NARS1: variants seen among roughly 807,000 people sequenced by gnomAD.
The protein encoded by NARS1 is asparagine--tRNA ligase, cytoplasmic.
NARS1 carries 65 observed loss-of-function variants against 79.2 expected under a neutral mutation model. The ratio of observed to expected loss-of-function variants is 0.82; its 90% CI spans 0.67 to 1.01. The LOEUF (loss-of-function observed/expected upper bound fraction) is 1.01, where lower values mean the gene tolerates loss of function less well. Among genes scored for constraint, NARS1 ranks in the 50% least tolerant of loss-of-function variants. The pLI, the probability that NARS1 is intolerant of heterozygous loss-of-function variation, is 0.00. For missense variants in NARS1, 649 were observed against 673.8 expected (o/e 0.96, Z 0.41); for synonymous variants, 229 against 238.8 (o/e 0.96, Z 0.38).
chr18:57,616,023 C>T (rs771458299), intron 2 of NARS1, 48 bp from the exon 3 acceptor site: 4 of 1,477,742 alleles, frequency 2.7e-6, no homozygotes, highest in East Asian at 2.3e-5. Context: ...TTGTACAATA[C>T]TTAAAATCAA....
chr18:57,618,586 A>C (rs1293358365), intron 2 of NARS1, among the ~76,000 whole-genome samples: 4 of 152,180 alleles, frequency 2.6e-5, no homozygotes, highest in African/African-American at 9.7e-5. Flanking sequence ...GAAATGAAAG[A>C]TTTCCCCTTA....
chr18:57,614,721 T>G (rs1220343085), intron 4 of NARS1, among the ~76,000 whole-genome samples: 1 of 152,210 alleles, frequency 6.6e-6, no homozygotes, highest in Non-Finnish European at 1.5e-5. Context: ...TTAAATCACT[T>G]GACCAACATC....
intron 2 of NARS1, among the ~76,000 whole-genome samples, chr18:57,617,961 T>G (rs1280898237): frequency 6.7e-6 from 1 of 149,330 alleles, no homozygotes; most frequent in Non-Finnish European, 1.5e-5. Flanking sequence ...AGTTCATCCT[T>G]TTAACAACTA....
Position 57,616,753 on chromosome 18 carries a change from A to C in NARS1, c.94-778T>G, listed in dbSNP as rs553358033. On this transcript the variant is annotated intron_variant, in intron 2 of 13. Coordinates refer to ENST00000256854, the MANE Select transcript of NARS1 (RefSeq NM_004539.4). Reference sequence around the variant, plus strand: ...TGCAGTGGCTCAGGCCTGTAATCCCAGCATTCTGGGGGGCCGAGGAGGGAG... The same window carrying C: ...TGCAGTGGCTCAGGCCTGTAATCCCCGCATTCTGGGGGGCCGAGGAGGGAG... 9.9e-5 allele frequency among the ~76,000 whole-genome samples: 15 copies of C among 152,082 alleles called. No individual in the cohort carries two copies. The East Asian group carries it at 2.9e-3, about 29-fold the overall frequency.
chr18:57,605,729 A>G, intron 11 of NARS1, 128 bp downstream of exon 11: 1 of 653,844 alleles, frequency 1.5e-6, no homozygotes, highest in Admixed American at 2.8e-5. Flanking sequence ...CAACCCAAGA[A>G]GCAGGTCCTG....
rs748190704 is a variant in NARS1 at position 57,605,838 on chromosome 18, G to T, written c.1251+19C>A. 23 of 1,511,402 alleles carry T rather than the reference G, an allele frequency of 1.5e-5. No individual in the cohort carries two copies. The East Asian group carries it at 4.6e-4, about 30-fold the overall frequency. 93.6% of individuals were successfully genotyped at this position (1,511,402 alleles called of 1,614,324 possible). Reference sequence around the variant, plus strand: ...AGCCCAATCCCACCTTGGAAACAATGAGAGAAAGGGATACATACTTCTCCA... The same window carrying T: ...AGCCCAATCCCACCTTGGAAACAATTAGAGAAAGGGATACATACTTCTCCA... On this transcript the variant is annotated intron_variant, in intron 11 of 13. Coordinates refer to ENST00000256854, the MANE Select transcript of NARS1 (RefSeq NM_004539.4).
Position 57,620,641 on chromosome 18 carries a change from G to A in NARS1, c.21C>T (p.Tyr7=), listed in dbSNP as rs759474676. 6.2e-6 allele frequency: 10 copies of A among 1,611,878 alleles called. No individual in the cohort carries two copies. The East Asian group carries it at 6.7e-5, about 11-fold the overall frequency. ...CATCGCTTCCCTCTCGGTCAGAGAC[G>A]TACAGCTCTGCTGTTTGACAAAATG... MVLAEL[Y]VSDREGSDAT... Residue 7 remains tyrosine (Y), a synonymous_variant, in exon 2 of 14, where the codon TAC becomes TAT. Transcript: ENST00000256854.
rs577912652 is a variant in NARS1, at chr18:57,605,608, C to G, written c.1251+249G>C. Among the ~76,000 whole-genome samples, 17 of 74,856 alleles carry G rather than the reference C, an allele frequency of 2.3e-4. 1 individual carries two copies. The South Asian group carries it at 6.9e-3, about 30-fold the overall frequency. 49.1% of individuals were successfully genotyped at this position (74,856 alleles called of 152,430 possible). A position where few individuals can be genotyped will look rare whatever the true frequency, so the allele number is the denominator to read the frequency against. Reference sequence around the variant, plus strand: ...CGTAGGCGACAGAGCGAGACTCCGTCTCAAAAAAAAAAAAAAAAAAGAAAA... The same window carrying G: ...CGTAGGCGACAGAGCGAGACTCCGTGTCAAAAAAAAAAAAAAAAAAGAAAA... On this transcript the variant is annotated intron_variant, in intron 11 of 13. Transcript: ENST00000256854.
intron 7 of NARS1, 62 bp from the exon 8 acceptor site, chr18:57,607,727 T>A: frequency 7.4e-7 from 1 of 1,347,182 alleles, no homozygotes. Flanking sequence ...ATTAACAGTA[T>A]TGAGGATTTT....
At chr18:57,610,382 G>A (rs1346206806) in intron 6 of NARS1, among the ~76,000 whole-genome samples, 1 of 152,188 alleles carries the variant, frequency 6.6e-6, no homozygotes, top group African/African-American at 2.4e-5. Flanking sequence ...TGAAGCAAGA[G>A]AATCACTTGA....
rs1908194004 is a variant in NARS1, at chr18:57,619,302, T to C, written c.93+1267A>G. ...TTTTTTTTTTTGGTAGTTGGCTGAG[T>C]GTGATGGCTCACTCCTATAAACCCA... On this transcript the variant is annotated intron_variant, in intron 2 of 13. Transcript: ENST00000256854. Among the ~76,000 whole-genome samples the C allele has an allele frequency of 2.1e-5, 3 of 142,816 alleles. No homozygotes were observed. The South Asian group carries it at 6.6e-4, about 32-fold the overall frequency. The allele number at this position is 142,816 out of a possible 152,430, so 93.7% of individuals were successfully genotyped here.
chr18:57,603,153 T>C (rs981335155), intron 11 of NARS1, among the ~76,000 whole-genome samples: 2 of 151,952 alleles, frequency 1.3e-5, no homozygotes, highest in Non-Finnish European at 2.9e-5. Context: ...TAATGAAGCA[T>C]AAAAGATCTG....
chr18:57,617,525 T>A (rs1047693384), intron 2 of NARS1, among the ~76,000 whole-genome samples: 4 of 132,270 alleles, frequency 3.0e-5, no homozygotes, highest in Admixed American at 9.0e-5. Context: ...TGAGCCGAGA[T>A]CGCACCACTG....
intron 6 of NARS1, among the ~76,000 whole-genome samples, chr18:57,610,980 T>TC (rs2051600353): frequency 6.6e-6 from 1 of 151,194 alleles, no homozygotes. Context: ...TTTTTTTTTT[T>TC]TTTTGAGACA....
At chr18:57,603,530 G>GT (rs1000302392) in intron 11 of NARS1, among the ~76,000 whole-genome samples, 21 of 152,212 alleles carry the variant, frequency 1.4e-4, no homozygotes, top group African/African-American at 5.1e-4. Flanking sequence ...ACCTGGAATA[G>GT]TTACCCAAAC....
At chr18:57,619,401 T>C (rs1002323949) in intron 2 of NARS1, among the ~76,000 whole-genome samples, 1 of 147,744 alleles carries the variant, frequency 6.8e-6, no homozygotes, top group African/African-American at 2.5e-5. Flanking sequence ...TTTAAGAAGT[T>C]AAATTTTTTG....
intron 4 of NARS1, 73 bp downstream of exon 4, chr18:57,615,568 A>G (rs1907986952): frequency 5.3e-6 from 5 of 934,992 alleles, no homozygotes; most frequent in Middle Eastern, 2.9e-4. Flanking sequence ...ACCATGTGAC[A>G]TGCCCCTCAT....
rs1908313895 is a variant in NARS1, at chr18:57,621,745, G to A, written c.-28C>T. The A allele has an allele frequency of 2.5e-6, 4 of 1,613,956 alleles. No homozygotes were observed. Among genetic ancestry groups the A allele is most frequent in the East Asian group, 2.2e-5 (1 of 44,866 alleles). ...CTGCAGTGGCCCTGGTCACCTCCAA[G>A]GACACAGACTGCAACACCGACGCCG... On this transcript the variant is annotated 5_prime_UTR_variant, in exon 1 of 14. Coordinates refer to ENST00000256854, the MANE Select transcript of NARS1 (RefSeq NM_004539.4).
At position 57,621,764 on chromosome 18, in the gene NARS1, G is replaced by A. The variant is rs770514223; in HGVS notation, c.-47C>T. The A allele has an allele frequency of 3.0e-5, 49 of 1,613,474 alleles. No homozygotes were observed. Among genetic ancestry groups the A allele is most frequent in the East Asian group, 4.5e-5 (2 of 44,850 alleles). On this transcript the variant is annotated 5_prime_UTR_variant, in exon 1 of 14. Transcript: ENST00000256854. ...CTCCAAGGACACAGACTGCAACACC[G>A]ACGCCGTCTTATGACTCCAACGTGC...
Sources: allele counts gnomAD v4.1 joint callset (sites outside exome capture counted in the v4.1 genomes callset), GRCh38; gene constraint gnomAD v4.1.1; transcripts MANE v1.5; gene names NCBI Gene and HGNC (gene_info 2026-07-23, HGNC 2026-07-21).